RGS14: variants seen among roughly 807,000 people sequenced by gnomAD.
The protein encoded by RGS14 is regulator of G-protein signaling 14.
In RGS14, 33 loss-of-function variants were observed where a neutral mutation model predicts 63.8. The observed-to-expected ratio is 0.52, with a 90% CI of 0.39 to 0.69. The LOEUF is 0.69. RGS14 is among the 30% of genes least tolerant of loss of function. The probability of loss-of-function intolerance (pLI) is 0.00; values close to 1 mark genes in which losing one functional copy is unlikely to be tolerated. For missense variants in RGS14, 739 were observed against 742.9 expected, an observed-to-expected ratio of 0.99 and a Z score of 0.06; for synonymous variants, 296 against 320.9, an observed-to-expected ratio of 0.92 and a Z score of 0.83.
chr5:177,371,068 C>CGGGGCGGGGCGGGGCGGGGCGGGG lies in RGS14; in HGVS notation c.1254+37_1254+38insGGGGCGGGGCGGGGCGGGGCGGGG, dbSNP rs753492884. 2.0e-5 allele frequency: 12 copies of CGGGGCGGGGCGGGGCGGGGCGGGG among 600,730 alleles called. No homozygotes were observed. The African/African-American group carries it at 4.6e-4, about 23-fold the overall frequency. The allele number at this position is 600,730 out of a possible 1,614,324, so 37.2% of individuals were successfully genotyped here. ...GGCCGCGGGGCGGGGCGGGGCGGGGCCGGGCCGGGGCCGGGGCCGGGGCCG... is the reference window on the plus strand; with the variant it reads ...GGCCGCGGGGCGGGGCGGGGCGGGGCGGGGCGGGGCGGGGCGGGGCGGGGCGGGCCGGGGCCGGGGCCGGGGCCG... On this transcript the variant is annotated intron_variant, in intron 11 of 14. Transcript: ENST00000408923. The surrounding 1 kb of genome is among the most constrained non-coding windows in gnomAD (Gnocchi z 6.1).
chr5:177,363,136 C>T (rs1762007709), intron 1 of RGS14, among the ~76,000 whole-genome samples: 1 of 152,164 alleles, frequency 6.6e-6, no homozygotes, highest in Non-Finnish European at 1.5e-5. Context: ...TAGGTGCAGG[C>T]TGCAGAGGAA....
In RGS14 at chr5:177,368,244, CCTT is replaced by C. The variant is rs765600910; in HGVS notation, c.829_831del (p.Phe277del). 3 of 1,613,292 alleles carry C rather than the reference CCTT, an allele frequency of 1.9e-6. No homozygotes were observed. Among genetic ancestry groups the C allele is most frequent in the East Asian group, 4.5e-5 (2 of 44,876 alleles). ...GCCAGCCTGGACCTTGGCTTCCTAGCCTTCGTCAGCAGCAAATCTGAGGTGAGC... is the reference window on the plus strand; with the variant it reads ...GCCAGCCTGGACCTTGGCTTCCTAGCCGTCAGCAGCAAATCTGAGGTGAGC... On this transcript the variant is annotated inframe_deletion, in exon 8 of 15. Coordinates refer to ENST00000408923, the MANE Select transcript of RGS14 (RefSeq NM_006480.5).
chr5:177,366,684 GCC>G, intron 3 of RGS14, 22 bp from the exon 4 acceptor site: 1 of 1,609,830 alleles, frequency 6.2e-7, no homozygotes, highest in African/African-American at 1.3e-5. Context: ...GTCTCTGCCT[GCC>G]TCCCCCTCCT....
chr5:177,358,226 C>T lies in RGS14; in HGVS notation c.45+157C>T, dbSNP rs923815729. On this transcript the variant is annotated intron_variant, in intron 1 of 14. Transcript: ENST00000408923. The surrounding 1 kb of genome is among the most constrained non-coding windows in gnomAD (Gnocchi z 4.8). Reference sequence around the variant, plus strand: ...CAGCAGCAGGTGGTAGGACCTGGTGCTCTCACCCCTAGACCCTTCCAGATG... The same window carrying T: ...CAGCAGCAGGTGGTAGGACCTGGTGTTCTCACCCCTAGACCCTTCCAGATG... Among the ~76,000 whole-genome samples the T allele has an allele frequency of 1.3e-5, 2 of 152,202 alleles. No homozygotes were observed. The highest frequency in any genetic ancestry group is 4.8e-5 in the African/African-American group (2 of 41,444).
At chr5:177,367,337 A>C (rs1762123835) in intron 5 of RGS14, 77 bp from the exon 6 acceptor site, 2 of 1,492,500 alleles carry the variant, frequency 1.3e-6, no homozygotes, top group South Asian at 1.3e-5. Context: ...GGCCAGCCCC[A>C]AGGACCCGGC....
In RGS14 at chr5:177,366,872, C is replaced by A. The variant is rs756047284; in HGVS notation, c.340-19C>A. The A allele has an allele frequency of 8.7e-6, 14 of 1,613,500 alleles. No homozygotes were observed. Among genetic ancestry groups the A allele is most frequent in the Non-Finnish European group, 1.2e-5 (14 of 1,179,548 alleles). ...GGGCCACGCTCCCTGACCAACTCCT[C>A]CTGTCCCTCCTCCTTCAGCTAGCTC... is the stretch of plus-strand genomic sequence containing the variant. On this transcript the variant is annotated intron_variant, in intron 4 of 14. Transcript: ENST00000408923.
At position 177,366,728 on chromosome 5, in the gene RGS14, C is replaced by A. The variant is rs1762101988; in HGVS notation, c.267C>A (p.Phe89Leu). ...CCCAGGAGTTCCTGAAGAAGGAGTT[C>A]AGCGCGGAAAACGTGACTTTCTGGA... ...AYFTEFLKKE[F>L]SAENVTFWKA... Residue 89 changes from phenylalanine to leucine, a missense_variant, in exon 4 of 15, where the codon TTC becomes TTA. Coordinates refer to ENST00000408923, the MANE Select transcript of RGS14 (RefSeq NM_006480.5). 1 of 1,614,054 alleles carries A rather than the reference C, an allele frequency of 6.2e-7. No homozygotes were observed. Among genetic ancestry groups the A allele is most frequent in the Non-Finnish European group, 8.5e-7 (1 of 1,180,030 alleles).
chr5:177,370,955 C>G lies in RGS14; in HGVS notation c.1178C>G (p.Thr393Ser), dbSNP rs780724192. 1.6e-5 allele frequency: 26 copies of G among 1,608,196 alleles called. No individual in the cohort carries two copies. Among genetic ancestry groups the G allele is most frequent in the Non-Finnish European group, 2.0e-5 (24 of 1,179,670 alleles). Residue 393 changes from threonine (T) to serine (S), a missense_variant, in exon 11 of 15, where the codon ACC becomes AGC. By Grantham distance (58) the Thr-to-Ser change is moderately conservative (BLOSUM62 1). Coordinates refer to ENST00000408923, the MANE Select transcript of RGS14 (RefSeq NM_006480.5). ...GTGGTACGAATCTCAGCCAAGCCCA[C>G]CAAGCGGCTGCAGGAGGCGCTGCAG... is the stretch of plus-strand genomic sequence containing the variant. ...ERVVRISAKPTKRLQEALQPI... is the reference protein window; with the variant it reads ...ERVVRISAKPSKRLQEALQPI...
In RGS14 at chr5:177,366,239, C is replaced by A; in HGVS notation, c.130C>A (p.His44Asn). 1 of 1,593,512 alleles carries A rather than the reference C, an allele frequency of 6.3e-7. No individual in the cohort carries two copies. The highest frequency in any genetic ancestry group is 1.1e-5 in the South Asian group (1 of 88,440). The change falls in exon 3 of 15, where the codon CAC becomes AAC. Residue 44 changes from histidine (H) to asparagine (N), a missense_variant. Physicochemically the swap from His to Asn is moderately conservative, Grantham distance 68. Transcript: ENST00000408923. ...GGGCCGCGGCAGCTCTCTCAGCATCCACAGCCTCCCCAGTGGTCCCAGCAG... is the reference window on the plus strand; with the variant it reads ...GGGCCGCGGCAGCTCTCTCAGCATCAACAGCCTCCCCAGTGGTCCCAGCAG... ...GEGRGSSLSI[H>N]SLPSGPSSPF...
Position 177,371,749 on chromosome 5 carries a change from G to A in RGS14, c.1499-124G>A. 8.1e-7 allele frequency: 1 copy of A among 1,236,044 alleles called. No individual in the cohort carries two copies. 76.6% of individuals were successfully genotyped at this position (1,236,044 alleles called of 1,614,324 possible). On this transcript the variant is annotated intron_variant, in intron 14 of 14. Coordinates refer to ENST00000408923, the MANE Select transcript of RGS14 (RefSeq NM_006480.5). The surrounding 1 kb of genome is among the most constrained non-coding windows in gnomAD (Gnocchi z 6.1). The stretch of plus-strand genomic sequence containing the variant: ...TGGGGGGTCAAAGGGGCTGGAACAG[G>A]GGGCCGCAGGCCATTGGTGCTGGGG...
chr5:177,372,386 C>G lies in RGS14; in HGVS notation c.*311C>G. The G allele has an allele frequency of 2.9e-6, 1 of 341,026 alleles. No individual in the cohort carries two copies. Among genetic ancestry groups the G allele is most frequent in the East Asian group, 5.3e-5 (1 of 18,696 alleles). The allele number at this position is 341,026 out of a possible 1,614,324, so 21.1% of individuals were successfully genotyped here. On this transcript the variant is annotated 3_prime_UTR_variant, in exon 15 of 15. Transcript: ENST00000408923. ...ATGGCGTTGGCAGTGCCAGCCTCCC[C>G]AGCCTGTGCCAAGCTTCAACAGGGG...
At chr5:177,369,490 C>A (rs1352220680) in intron 9 of RGS14, among the ~76,000 whole-genome samples, 1 of 152,076 alleles carries the variant, frequency 6.6e-6, no homozygotes, top group Non-Finnish European at 1.5e-5. Flanking sequence ...GGGAGAGGAA[C>A]CTAGATCTGG....
Position 177,369,121 on chromosome 5 carries a change from T to C in RGS14, c.1053+201T>C, listed in dbSNP as rs574213485. The C allele has an allele frequency of 9.8e-6, 6 of 612,662 alleles. No homozygotes were observed. In the East Asian group the frequency reaches 1.7e-4, roughly 17 times the overall value. 38.0% of individuals were successfully genotyped at this position (612,662 alleles called of 1,614,324 possible). A position where few individuals can be genotyped will look rare whatever the true frequency, so the allele number is the denominator to read the frequency against. On this transcript the variant is annotated intron_variant, in intron 9 of 14. Coordinates refer to ENST00000408923, the MANE Select transcript of RGS14 (RefSeq NM_006480.5). ...CCTTCCAGGTTTCCACCTTCATCCA[T>C]CATCCTATTGTGGTGACCTTAGGGA...
rs932070173 is a variant in RGS14, at chr5:177,362,558, C to T, written c.46-3405C>T. On this transcript the variant is annotated intron_variant, in intron 1 of 14. Transcript: ENST00000408923. ...ACGACTAATGTCAACGGGCAGAGAT[C>T]GGGGAGCAATTCCAAGCGAAGAGCA... 2.0e-5 allele frequency among the ~76,000 whole-genome samples: 3 copies of T among 152,202 alleles called. No individual in the cohort carries two copies. The East Asian group carries it at 5.8e-4, about 29-fold the overall frequency.
intron 7 of RGS14, 47 bp downstream of exon 7, chr5:177,367,872 G>T (rs766512982): frequency 3.3e-6 from 5 of 1,498,686 alleles, no homozygotes; most frequent in Non-Finnish European, 4.4e-6. Flanking sequence ...GCGGGAGTTT[G>T]GTTAAATTTG....
rs903987033 is a variant in RGS14, at chr5:177,367,466, T to C, written c.536T>C (p.Leu179Pro). 1 of 1,612,706 alleles carries C rather than the reference T, an allele frequency of 6.2e-7. No homozygotes were observed. The highest frequency in any genetic ancestry group is 8.5e-7 in the Non-Finnish European group (1 of 1,179,454). Reference protein sequence around the residue: ...DSYARFVKSPLYRECLLAEAE... With the variant: ...DSYARFVKSPPYRECLLAEAE... ...TATGCGCGCTTCGTCAAGTCCCCGC[T>C]GTACCGCGAGTGCCTGCTAGCCGAA... Residue 179 changes from leucine to proline, a missense_variant, in exon 6 of 15, where the codon CTG becomes CCG. By Grantham distance (98) the Leu-to-Pro change is moderately conservative. Transcript: ENST00000408923.
At chr5:177,368,301 T>G in intron 8 of RGS14, 35 bp downstream of exon 8, 1 of 1,580,182 alleles carries the variant, frequency 6.3e-7, no homozygotes, top group Admixed American at 1.8e-5. Flanking sequence ...AGATGCTCTA[T>G]GGGCTAGAGT....
chr5:177,363,286 G>A (rs557186060), intron 1 of RGS14, among the ~76,000 whole-genome samples: 2 of 152,148 alleles, frequency 1.3e-5, no homozygotes, highest in African/African-American at 2.4e-5. Context: ...AGGACAGAGC[G>A]GGGAGCACGA....
intron 1 of RGS14, among the ~76,000 whole-genome samples, chr5:177,362,965 G>A (rs1487570132): frequency 6.6e-6 from 1 of 152,212 alleles, no homozygotes; most frequent in East Asian, 1.9e-4. Flanking sequence ...GCAGGACAGA[G>A]GCTCAGGGTG....
Sources: allele counts gnomAD v4.1 joint callset (sites outside exome capture counted in the v4.1 genomes callset), GRCh38; gene constraint gnomAD v4.1.1; non-coding constraint Gnocchi (gnomAD v3.1); transcripts MANE v1.5; gene names NCBI Gene and HGNC (gene_info 2026-07-23, HGNC 2026-07-21).